Variants in MAP4 observed in about 807,000 individuals in gnomAD.
The protein encoded by MAP4 is microtubule associated protein 4, also known as microtubule-associated protein 4.
A neutral mutation model predicts 170.2 loss-of-function variants in MAP4; 76 were observed. That is an observed-to-expected ratio of 0.45 (90% CI 0.37 to 0.54). The LOEUF is 0.54. Ranked by LOEUF, MAP4 falls within the 20% of genes least tolerant of loss-of-function variation. MAP4 has a pLI of 0.00. For missense variants in MAP4, 2,506 were observed against 2,748.0 expected (o/e 0.91, Z 1.97); for synonymous variants, 909 against 994.5 (o/e 0.91, Z 1.62).
intron 3 of MAP4, among the ~76,000 whole-genome samples, chr3:47,929,761 C>G (rs1408227504): frequency 6.6e-6 from 1 of 151,520 alleles, no homozygotes; most frequent in African/African-American, 2.4e-5. Context: ...GACATGTCAC[C>G]AAAAGCACTA....
intron 10 of MAP4, among the ~76,000 whole-genome samples, chr3:47,899,041 A>C (rs997859056): frequency 2.0e-5 from 3 of 152,280 alleles, no homozygotes; most frequent in Admixed American, 6.5e-5. Flanking sequence ...ACATAATCTC[A>C]ATCAGGGATG....
At position 47,855,029 on chromosome 3, in the gene MAP4, C is replaced by T. The variant is rs2052489934; in HGVS notation, c.6696+219G>A. 1.9e-6 allele frequency: 1 copy of T among 539,644 alleles called. No individual in the cohort carries two copies. Among genetic ancestry groups the T allele is most frequent in the Non-Finnish European group, 3.3e-6 (1 of 298,870 alleles). The allele number at this position is 539,644 out of a possible 1,614,324, so 33.4% of individuals were successfully genotyped here. A position where few individuals can be genotyped will look rare whatever the true frequency, so the allele number is the denominator to read the frequency against. On this transcript the variant is annotated intron_variant, in intron 19 of 20. Transcript: ENST00000683076. This position sits in a 1 kb window ranked among gnomAD's most constrained non-coding sequence, Gnocchi z 5.1. ...GGCTCTCAGGAGCAAGGTTCTGCCTCCAGCTGACAGGTGAGGGGTGGCTGG... is the reference window on the plus strand; with the variant it reads ...GGCTCTCAGGAGCAAGGTTCTGCCTTCAGCTGACAGGTGAGGGGTGGCTGG...
intron 1 of MAP4, among the ~76,000 whole-genome samples, chr3:48,052,790 C>T (rs1013502771): frequency 3.9e-5 from 6 of 152,186 alleles, no homozygotes; most frequent in African/African-American, 1.4e-4. Context: ...CAGTGATGAA[C>T]ATCTCAAACC....
chr3:47,859,524 T>C (rs2062235094), intron 17 of MAP4, among the ~76,000 whole-genome samples: 1 of 152,230 alleles, frequency 6.6e-6, no homozygotes, highest in Admixed American at 6.5e-5. Flanking sequence ...GGCTCATGCC[T>C]AACCCAGCAA....
intron 1 of MAP4, among the ~76,000 whole-genome samples, chr3:48,041,958 T>C (rs1370880316): frequency 1.3e-5 from 2 of 152,226 alleles, no homozygotes; most frequent in East Asian, 1.9e-4. Flanking sequence ...CCAGGAGAGA[T>C]GCTCCTGCTC....
At chr3:48,017,813 G>T (rs901323514), upstream of MAP4, among the ~76,000 whole-genome samples, 1 of 152,208 alleles carries the variant, frequency 6.6e-6, no homozygotes, top group African/African-American at 2.4e-5. Context: ...ATCTGTACTT[G>T]TAACAGTAGA....
intron 1 of MAP4, among the ~76,000 whole-genome samples, chr3:48,085,711 C>T (rs1367759662): frequency 6.6e-6 from 1 of 152,218 alleles, no homozygotes; most frequent in East Asian, 1.9e-4. Context: ...CATCTGAGGT[C>T]AGGAGTTCAA....
intron 1 of MAP4, among the ~76,000 whole-genome samples, chr3:47,999,385 T>C (rs80251554): frequency 6.9e-6 from 1 of 143,972 alleles, no homozygotes; most frequent in African/African-American, 2.5e-5. Context: ...CCTGCCAGCA[T>C]AAAAAAAAAA....
At chr3:48,024,495 C>T (rs1466998862) in intron 1 of MAP4, among the ~76,000 whole-genome samples, 1 of 152,058 alleles carries the variant, frequency 6.6e-6, no homozygotes, top group African/African-American at 2.4e-5. Context: ...AATTATGCTT[C>T]ACTACAAAGC....
At position 47,873,541 on chromosome 3, in the gene MAP4, T is replaced by G. The variant is rs79731499; in HGVS notation, c.5758-1441A>C. Reference sequence around the variant, plus strand: ...AGAAATTAAGGGCTGGCATCCAAAGTCTAACTCTGCAAATGTAGGGTAATG... The same window carrying G: ...AGAAATTAAGGGCTGGCATCCAAAGGCTAACTCTGCAAATGTAGGGTAATG... On this transcript the variant is annotated intron_variant, in intron 12 of 20. Transcript: ENST00000683076. 6.3e-3 allele frequency among the ~76,000 whole-genome samples: 958 copies of G among 152,252 alleles called. 12 individuals are homozygous for G. Among genetic ancestry groups the G allele is most frequent in the African/African-American group, 0.021 (891 of 41,550 alleles).
chr3:47,899,931 A>G (rs1047873498), intron 10 of MAP4, among the ~76,000 whole-genome samples: 4 of 152,344 alleles, frequency 2.6e-5, no homozygotes, highest in Middle Eastern at 3.4e-3. Context: ...TAATCCCAGT[A>G]CATGTACTGG....
At chr3:48,021,288 AG>A (rs2100110431), upstream of MAP4, among the ~76,000 whole-genome samples, 1 of 152,022 alleles carries the variant, frequency 6.6e-6, no homozygotes, top group African/African-American at 2.4e-5. Context: ...TTTTATTTTA[AG>A]GTTTTATGAT....
chr3:47,949,742 T>C (rs1196853242), intron 3 of MAP4, among the ~76,000 whole-genome samples: 1 of 152,238 alleles, frequency 6.6e-6, no homozygotes, highest in Non-Finnish European at 1.5e-5. Flanking sequence ...AATGTTTTTC[T>C]TATGCCAATA....
chr3:47,985,209 G>A (rs987785025), intron 2 of MAP4, among the ~76,000 whole-genome samples: 3 of 152,112 alleles, frequency 2.0e-5, no homozygotes, highest in East Asian at 1.9e-4. Context: ...GAACCTGGGA[G>A]GCGGAGGTTG....
Position 48,021,984 on chromosome 3 carries a change from AAAAAC to A in MAP4, c.-19-23110_-19-23106del, listed in dbSNP as rs373745368. Among the ~76,000 whole-genome samples the A allele has an allele frequency of 4.5e-3, 685 of 152,316 alleles. 5 individuals are homozygous for A. The highest frequency in any genetic ancestry group is 0.015 in the African/African-American group (615 of 41,558). On this transcript the variant is annotated intron_variant, in intron 1 of 18. Coordinates refer to the MAP4 transcript ENST00000360240. ...TGTACTTGGTGTGCTGAACATATGG[AAAAAC>A]AAAACAAAACAAAACAAGAGGCCAA...
intron 2 of MAP4, among the ~76,000 whole-genome samples, chr3:47,993,993 A>G (rs2100093907): frequency 6.6e-6 from 1 of 152,206 alleles, no homozygotes; most frequent in South Asian, 2.1e-4. Flanking sequence ...TTTGATGAGA[A>G]ATCATTAGGC....
intron 1 of MAP4, among the ~76,000 whole-genome samples, chr3:48,078,973 C>G (rs181268296): frequency 1.3e-5 from 2 of 152,038 alleles, no homozygotes; most frequent in African/African-American, 4.8e-5. Context: ...GAGTTTGAGA[C>G]CAGCCTGGGC....
At chr3:47,973,316 T>C in intron 3 of MAP4, 2 of 985,348 alleles carry the variant, frequency 2.0e-6, no homozygotes, top group Non-Finnish European at 2.4e-6. Context: ...TCATCACATT[T>C]CAACAAAGCA....
chr3:47,864,188 C>T (rs1052605798), intron 17 of MAP4, among the ~76,000 whole-genome samples: 1 of 152,060 alleles, frequency 6.6e-6, no homozygotes, highest in African/African-American at 2.4e-5. Context: ...AGGCTGGTTT[C>T]GAAGCAATCC....
Sources: allele counts gnomAD v4.1 joint callset (sites outside exome capture counted in the v4.1 genomes callset), GRCh38; gene constraint gnomAD v4.1.1; non-coding constraint Gnocchi (gnomAD v3.1); transcripts MANE v1.5; gene names NCBI Gene and HGNC (gene_info 2026-07-23, HGNC 2026-07-21).